AXIN1: variants seen among roughly 807,000 people sequenced by gnomAD.
AXIN1 encodes the protein axin-1.
Under a neutral mutation model 76.4 loss-of-function variants are expected in AXIN1, and 30 were observed. The observed-to-expected ratio is 0.39, with a 90% CI of 0.29 to 0.53. The LOEUF is 0.53. Among genes scored for constraint, AXIN1 ranks in the 20% least tolerant of loss-of-function variants. The pLI is 0.66. For synonymous variants in AXIN1, 545 were observed against 501.4 expected, an observed-to-expected ratio of 1.09 and a Z score of -1.16; for missense variants, 1,140 against 1,198.8, an observed-to-expected ratio of 0.95 and a Z score of 0.72.
At chr16:314,198 C>T (rs978542886) in intron 3 of AXIN1, among the ~76,000 whole-genome samples, 6 of 152,202 alleles carry the variant, frequency 3.9e-5, no homozygotes, top group African/African-American at 1.4e-4. Flanking sequence ...CAGCCCTGGT[C>T]ACAGAGAGAA....
Position 287,701 on chromosome 16 carries a change from T to TA in AXIN1, c.*420dup, listed in dbSNP as rs1196114940. ...TGTGTTGAAGGCACTCGGTGGCGCG[T>TA]ACAATTGACAGAGGCCCTGCAGGCC... On this transcript the variant is annotated 3_prime_UTR_variant, in exon 11 of 11. Transcript: ENST00000262320. 2.9e-6 allele frequency: 1 copy of TA among 348,940 alleles called. No individual in the cohort carries two copies. Among genetic ancestry groups the TA allele is most frequent in the Non-Finnish European group, 5.4e-6 (1 of 184,772 alleles). The allele number at this position is 348,940 out of a possible 1,614,324, so 21.6% of individuals were successfully genotyped here.
chr16:331,867 G>A (rs1037540411), intron 2 of AXIN1, among the ~76,000 whole-genome samples: 9 of 152,260 alleles, frequency 5.9e-5, no homozygotes, highest in Admixed American at 2.6e-4. Context: ...CCACACAGGC[G>A]CACCTCGGCC....
At chr16:341,449 G>C (rs1436899278) in intron 2 of AXIN1, among the ~76,000 whole-genome samples, 3 of 152,356 alleles carry the variant, frequency 2.0e-5, no homozygotes, top group East Asian at 1.9e-4. Flanking sequence ...CGGCAGTGCC[G>C]GCCCACCGGA....
chr16:350,141 T>G (rs1343868048), intron 1 of AXIN1, among the ~76,000 whole-genome samples: 1 of 152,188 alleles, frequency 6.6e-6, no homozygotes, highest in Admixed American at 6.5e-5. Context: ...AGAAGAAAAT[T>G]TTCTTACAAT....
rs2141467566 is a variant in AXIN1 at position 289,486 on chromosome 16, T to G, written c.2416A>C (p.Thr806Pro). 1 of 1,612,880 alleles carries G rather than the reference T, an allele frequency of 6.2e-7. No individual in the cohort carries two copies. Among genetic ancestry groups the G allele is most frequent in the East Asian group, 2.2e-5 (1 of 44,880 alleles). ...AGCAGCTCCTTGAACTGGCCCAGGG[T>G]GACAGCGCGGCCCCTCACCAGGGTG... The part of the protein sequence containing the change: ...YRTLVRGRAV[T>P]LGQFKELLTK... Residue 806 changes from threonine to proline, a missense_variant, in exon 10 of 11, where the codon ACC (threonine) becomes CCC (proline). Thr to Pro is a conservative substitution (Grantham distance 38). Transcript: ENST00000262320.
At chr16:311,392 A>G (rs1046152728) in intron 3 of AXIN1, among the ~76,000 whole-genome samples, 4 of 152,154 alleles carry the variant, frequency 2.6e-5, no homozygotes, top group Admixed American at 2.6e-4. Flanking sequence ...CAGATTATAC[A>G]TGGTCTGAAT....
rs1354958572 is a variant in AXIN1 at position 310,075 on chromosome 16, C to A, written c.1020-6G>T. 1.2e-6 allele frequency: 2 copies of A among 1,606,152 alleles called. No homozygotes were observed. Among genetic ancestry groups the A allele is most frequent in the African/African-American group, 2.7e-5 (2 of 74,712 alleles). ...TGTATGGGGGGATCCCATCCCTGTC[C>A]AGGAGAAAGAGGCAGCCGTTAACTC... On this transcript the variant is annotated splice_region_variant and splice_polypyrimidine_tract_variant and intron_variant, in intron 3 of 10. Transcript: ENST00000262320.
chr16:326,372 A>ATATATATATATATATATATGT (rs1555483772), intron 2 of AXIN1, among the ~76,000 whole-genome samples: 1 of 86,470 alleles, frequency 1.2e-5, no homozygotes, highest in African/African-American at 5.8e-5. Context: ...AAAAAAAAAA[A>ATATATATATATATATATATGT]ATATATATAT....
intron 4 of AXIN1, among the ~76,000 whole-genome samples, chr16:305,259 G>A (rs2052987771): frequency 6.6e-6 from 1 of 152,210 alleles, no homozygotes; most frequent in Non-Finnish European, 1.5e-5. Flanking sequence ...CTTGAGCCCA[G>A]AAATTAAGAG....
intron 2 of AXIN1, among the ~76,000 whole-genome samples, chr16:329,249 C>G (rs182229674): frequency 0.046 from 6,424 of 138,250 alleles, 157 homozygotes; most frequent in African/African-American, 0.056. Flanking sequence ...TGCACTCCAG[C>G]CTGGGCGACA....
At chr16:291,026 C>T (rs1249639173) in intron 9 of AXIN1, 164 bp downstream of exon 9, 15 of 699,532 alleles carry the variant, frequency 2.1e-5, no homozygotes, top group South Asian at 1.3e-4. Flanking sequence ...AGAAGGCTCT[C>T]GGGCAGCTTC....
chr16:339,929 C>G (rs948426318), intron 2 of AXIN1, among the ~76,000 whole-genome samples: 1 of 152,184 alleles, frequency 6.6e-6, no homozygotes, highest in Non-Finnish European at 1.5e-5. Context: ...CCCTCTGCAG[C>G]CGGGCACCTT....
At chr16:337,144 C>T (rs866641151) in intron 2 of AXIN1, among the ~76,000 whole-genome samples, 131 of 114,872 alleles carry the variant, frequency 1.1e-3, no homozygotes, top group African/African-American at 4.5e-3. Context: ...AGCAAGACCC[C>T]GTCTCAAAAA....
intron 3 of AXIN1, among the ~76,000 whole-genome samples, chr16:311,492 C>T (rs1191075579): frequency 6.6e-6 from 1 of 151,422 alleles, no homozygotes; most frequent in Non-Finnish European, 1.5e-5. Flanking sequence ...TGCCTTCGGG[C>T]TGGGCGCAGT....
chr16:289,742 G>T, intron 9 of AXIN1, 135 bp from the exon 10 acceptor site: 1 of 1,099,432 alleles, frequency 9.1e-7, no homozygotes. Flanking sequence ...AAACACCTGG[G>T]GCCCGCAGCC....
intron 2 of AXIN1, among the ~76,000 whole-genome samples, chr16:317,120 A>T (rs772360808): frequency 4.6e-5 from 7 of 152,170 alleles, no homozygotes; most frequent in Admixed American, 1.3e-4. Context: ...AACAGAACCT[A>T]GGGAAAGCCC....
intron 2 of AXIN1, among the ~76,000 whole-genome samples, chr16:344,329 C>T (rs2053989176): frequency 6.7e-6 from 1 of 148,280 alleles, no homozygotes; most frequent in Non-Finnish European, 1.5e-5. Context: ...ACTTGGGAGG[C>T]TGGGGCAGGA....
At chr16:334,421 C>A (rs1375165905) in intron 2 of AXIN1, among the ~76,000 whole-genome samples, 1 of 150,866 alleles carries the variant, frequency 6.6e-6, no homozygotes, top group Non-Finnish European at 1.5e-5. Flanking sequence ...CCATGGCATG[C>A]TAATTACACA....
chr16:330,410 T>A (rs1396482789), intron 2 of AXIN1, among the ~76,000 whole-genome samples: 2 of 152,188 alleles, frequency 1.3e-5, no homozygotes, highest in Non-Finnish European at 2.9e-5. Flanking sequence ...GTCTTTGCAT[T>A]GACTGAAAAC....
Sources: gnomAD v4.1 joint callset for allele counts (sites outside exome capture counted in the v4.1 genomes callset) on GRCh38, gnomAD v4.1.1 for gene constraint, MANE v1.5 for transcripts, NCBI Gene and HGNC (gene_info 2026-07-23, HGNC 2026-07-21) for gene names.